The following GABRB2 variants were observed in gnomAD, a reference collection of about 807,000 sequenced individuals.
GABRB2 encodes gamma-aminobutyric acid type A receptor subunit beta2.
GABRB2 carries 16 observed loss-of-function variants against 54.7 expected under a neutral mutation model. The observed-to-expected ratio is 0.29, with a 90% CI of 0.20 to 0.44. The LOEUF (loss-of-function observed/expected upper bound fraction) is 0.44. Among genes scored for constraint, GABRB2 ranks in the 20% least tolerant of loss-of-function variants. The pLI, the probability that GABRB2 is intolerant of heterozygous loss-of-function variation, is 1.00. For synonymous variants in GABRB2, 244 were observed against 233.8 expected (o/e 1.04, Z -0.40); for missense variants, 355 against 644.0 (o/e 0.55, Z 4.86).
At chr5:161,479,066 A>G (rs1434451674) in intron 3 of GABRB2, among the ~76,000 whole-genome samples, 1 of 152,058 alleles carries the variant, frequency 6.6e-6, no homozygotes. Flanking sequence ...AGGCTGGTAC[A>G]ACAACAAAAA....
intron 3 of GABRB2, among the ~76,000 whole-genome samples, chr5:161,505,254 G>C (rs938754900): frequency 6.6e-6 from 1 of 151,684 alleles, no homozygotes; most frequent in East Asian, 1.9e-4. Context: ...TCAGCCTCCC[G>C]AGAGGAGCTG....
chr5:161,336,813 A>AC (rs763439693), intron 5 of GABRB2, 44 bp from the exon 6 acceptor site: 4,045 of 1,476,968 alleles, frequency 2.7e-3, no homozygotes, highest in Non-Finnish European at 3.1e-3. Flanking sequence ...AATACAGAAA[A>AC]CAAAAAAAAA....
chr5:161,326,284 T>G, intron 9 of GABRB2, 84 bp downstream of exon 9: 1 of 1,573,592 alleles, frequency 6.4e-7, no homozygotes, highest in Non-Finnish European at 8.6e-7. Context: ...TCTGCAAAGA[T>G]CCCACACATT....
chr5:161,300,575 G>A (rs1033266603), intron 9 of GABRB2, among the ~76,000 whole-genome samples: 1 of 152,156 alleles, frequency 6.6e-6, no homozygotes, highest in Non-Finnish European at 1.5e-5. Flanking sequence ...ATCAACCAGG[G>A]AAACCTGACT....
chr5:161,336,547 T>C, intron 6 of GABRB2, 85 bp downstream of exon 6: 1 of 1,460,102 alleles, frequency 6.8e-7, no homozygotes, highest in Non-Finnish European at 9.3e-7. Flanking sequence ...GGTGCTTCCC[T>C]GGGACAGAAC....
At chr5:161,379,196 T>G (rs1033004410) in intron 5 of GABRB2, among the ~76,000 whole-genome samples, 48 of 152,156 alleles carry the variant, frequency 3.2e-4, no homozygotes, top group African/African-American at 9.9e-4. Context: ...ACAGAACTGT[T>G]TAAAACATAA....
intron 4 of GABRB2, among the ~76,000 whole-genome samples, chr5:161,412,934 C>A (rs1049924942): frequency 6.6e-6 from 1 of 152,060 alleles, no homozygotes; most frequent in Non-Finnish European, 1.5e-5. Context: ...GAGACAGGTT[C>A]TTTCTTTGTT....
intron 4 of GABRB2, among the ~76,000 whole-genome samples, chr5:161,455,024 A>G (rs1204813575): frequency 6.6e-6 from 1 of 152,000 alleles, no homozygotes; most frequent in Non-Finnish European, 1.5e-5. Context: ...GTTAGAACTT[A>G]GTCTATAAAA....
chr5:161,337,624 G>C (rs1000217012), intron 5 of GABRB2, among the ~76,000 whole-genome samples: 27 of 151,986 alleles, frequency 1.8e-4, no homozygotes, highest in Admixed American at 1.8e-3. Flanking sequence ...CAATACACAG[G>C]GTGGAGTACA....
chr5:161,313,692 A>C (rs1257303872), intron 9 of GABRB2, among the ~76,000 whole-genome samples: 1 of 152,194 alleles, frequency 6.6e-6, no homozygotes, highest in Non-Finnish European at 1.5e-5. Flanking sequence ...TGCTGTTCCA[A>C]GCACTTCCCC....
At chr5:161,435,616 T>C (rs933572146) in intron 4 of GABRB2, among the ~76,000 whole-genome samples, 8 of 152,224 alleles carry the variant, frequency 5.3e-5, no homozygotes, top group African/African-American at 1.9e-4. Flanking sequence ...TAAAAGGAAG[T>C]GAGAGGGAAG....
At chr5:161,535,296 T>A (rs563232911) in intron 3 of GABRB2, among the ~76,000 whole-genome samples, 11 of 152,216 alleles carry the variant, frequency 7.2e-5, no homozygotes, top group Non-Finnish European at 1.5e-4. Flanking sequence ...TATAATGCAC[T>A]GTGTATTACA....
chr5:161,429,374 A>G (rs1757110422), intron 4 of GABRB2, among the ~76,000 whole-genome samples: 1 of 150,768 alleles, frequency 6.6e-6, no homozygotes, highest in Admixed American at 6.6e-5. Flanking sequence ...AGAAAAAAAA[A>G]GAAATCCTGA....
chr5:161,445,211 T>C (rs984532500), intron 4 of GABRB2, among the ~76,000 whole-genome samples: 1 of 151,992 alleles, frequency 6.6e-6, no homozygotes, highest in Non-Finnish European at 1.5e-5. Context: ...AGTAAACAAA[T>C]ACATAATGCA....
In GABRB2 at chr5:161,530,679, T is replaced by G. The variant is rs145180452; in HGVS notation, c.237+14548A>C. ...TGTAAAGAAATTCTTTGCTTTTTCT[T>G]GTGGTCTATAATTCTACAGCTCTTT... On this transcript the variant is annotated intron_variant, in intron 3 of 9. Transcript: ENST00000393959. 1.1e-3 allele frequency among the ~76,000 whole-genome samples: 168 copies of G among 152,264 alleles called. 1 individual carries two copies. The highest frequency in any genetic ancestry group is 3.8e-3 in the African/African-American group (156 of 41,564).
At chr5:161,449,565 G>A (rs1268940643) in intron 4 of GABRB2, among the ~76,000 whole-genome samples, 1 of 152,090 alleles carries the variant, frequency 6.6e-6, no homozygotes, top group East Asian at 1.9e-4. Flanking sequence ...TGTAATTAGA[G>A]AAAACTTAAT....
At chr5:161,487,433 G>A (rs1042845698) in intron 3 of GABRB2, among the ~76,000 whole-genome samples, 13 of 151,838 alleles carry the variant, frequency 8.6e-5, no homozygotes, top group African/African-American at 3.1e-4. Flanking sequence ...TGCCATGCAT[G>A]ATCAATTGTA....
At chr5:161,464,809 T>G (rs1758228548) in intron 3 of GABRB2, among the ~76,000 whole-genome samples, 1 of 152,050 alleles carries the variant, frequency 6.6e-6, no homozygotes, top group Non-Finnish European at 1.5e-5. Context: ...GGATACATAT[T>G]GTATCATTCC....
At chr5:161,514,085 G>A (rs1759861810) in intron 3 of GABRB2, among the ~76,000 whole-genome samples, 2 of 152,146 alleles carry the variant, frequency 1.3e-5, no homozygotes, top group African/African-American at 2.4e-5. Context: ...TCAGCTAAGT[G>A]TGATTTCATT....
Sources: gnomAD v4.1 joint callset for allele counts (sites outside exome capture counted in the v4.1 genomes callset) on GRCh38, gnomAD v4.1.1 for gene constraint, MANE v1.5 for transcripts, NCBI Gene and HGNC (gene_info 2026-07-23, HGNC 2026-07-21) for gene names.